The following TBC1D23 variants were observed in gnomAD, a reference collection of about 807,000 sequenced individuals.
TBC1D23 encodes HCV non-structural protein 4A-transactivated protein 1.
TBC1D23 carries 55 observed loss-of-function variants against 91.4 expected under a neutral mutation model. The observed-to-expected ratio is 0.60, with a 90% CI of 0.48 to 0.75. The LOEUF (loss-of-function observed/expected upper bound fraction) is 0.75, where lower values mean the gene tolerates loss of function less well. Ranked by LOEUF, TBC1D23 falls within the 30% of genes least tolerant of loss-of-function variation. TBC1D23 has a pLI of 0.00. For missense variants in TBC1D23, 725 were observed against 836.1 expected (o/e 0.87, Z 1.64); for synonymous variants, 289 against 281.0 (o/e 1.03, Z -0.28).
intron 11 of TBC1D23, among the ~76,000 whole-genome samples, chr3:100,302,537 C>T (rs368965088): frequency 6.6e-5 from 10 of 152,260 alleles, no homozygotes; most frequent in South Asian, 6.2e-4. Flanking sequence ...CTCTATGCAT[C>T]AAGATCTATT....
intron 9 of TBC1D23, among the ~76,000 whole-genome samples, chr3:100,298,411 G>T (rs1433381749): frequency 1.3e-5 from 2 of 152,124 alleles, no homozygotes; most frequent in Non-Finnish European, 2.9e-5. Context: ...GAATTACATG[G>T]TTTAGTTCCA....
intron 15 of TBC1D23, among the ~76,000 whole-genome samples, chr3:100,313,124 G>A (rs1259969030): frequency 6.6e-6 from 1 of 151,968 alleles, no homozygotes; most frequent in African/African-American, 2.4e-5. Context: ...CAGGACTTCT[G>A]CTAATAATTT....
At chr3:100,264,310 T>G (rs557732610) in intron 1 of TBC1D23, among the ~76,000 whole-genome samples, 1 of 116,310 alleles carries the variant, frequency 8.6e-6, no homozygotes, top group East Asian at 2.7e-4. Flanking sequence ...CCTCCCTCCC[T>G]CTCTTTCTTT....
chr3:100,281,353 C>T (rs1004855030), intron 2 of TBC1D23, among the ~76,000 whole-genome samples: 6 of 152,082 alleles, frequency 3.9e-5, no homozygotes, highest in Admixed American at 3.3e-4. Context: ...CCTTACAAAA[C>T]AGTGAAAACA....
Position 100,283,821 on chromosome 3 carries a change from G to A in TBC1D23, c.476+10G>A, listed in dbSNP as rs765762284. The A allele has an allele frequency of 1.9e-5, 30 of 1,573,832 alleles. No individual in the cohort carries two copies. Among genetic ancestry groups the A allele is most frequent in the Admixed American group, 1.7e-5 (1 of 59,704 alleles). On this transcript the variant is annotated intron_variant, in intron 4 of 18. Transcript: ENST00000394144. ...ATAAGTACATTCCCAGGTAAAATAT[G>A]ATTCAGTTATTGTAGTTTTTAAAAG...
intron 1 of TBC1D23, among the ~76,000 whole-genome samples, chr3:100,268,442 C>CA (rs1214948863): frequency 6.6e-6 from 1 of 152,076 alleles, no homozygotes; most frequent in Non-Finnish European, 1.5e-5. Context: ...CTATGATCCC[C>CA]ATTGGCATAG....
At chr3:100,280,136 A>G (rs2067682073) in intron 2 of TBC1D23, among the ~76,000 whole-genome samples, 2 of 152,178 alleles carry the variant, frequency 1.3e-5, no homozygotes, top group East Asian at 1.9e-4. Context: ...AGGCCGAGGC[A>G]AGAGAATCGC....
intron 11 of TBC1D23, among the ~76,000 whole-genome samples, chr3:100,303,494 G>A (rs1405588177): frequency 6.6e-6 from 1 of 152,144 alleles, no homozygotes; most frequent in East Asian, 1.9e-4. Flanking sequence ...CTTCAGGCCA[G>A]GCACAGTGGC....
intron 1 of TBC1D23, among the ~76,000 whole-genome samples, chr3:100,273,979 AATATATGTCTAT>A (rs1024888422): frequency 1.3e-5 from 2 of 152,186 alleles, no homozygotes; most frequent in African/African-American, 4.8e-5. Context: ...TCTATATGTA[AATATATGTCTAT>A]ATATATGTCT....
At chr3:100,269,237 T>C (rs2067582278) in intron 1 of TBC1D23, among the ~76,000 whole-genome samples, 1 of 152,206 alleles carries the variant, frequency 6.6e-6, no homozygotes. Context: ...TTTACTTGGC[T>C]CAAGATCCTG....
intron 4 of TBC1D23, among the ~76,000 whole-genome samples, chr3:100,289,873 C>T (rs2067775059): frequency 6.6e-6 from 1 of 152,072 alleles, no homozygotes; most frequent in Non-Finnish European, 1.5e-5. Flanking sequence ...AGTAGAGTAC[C>T]TTCTTTCTAC....
At chr3:100,302,714 G>T (rs115331109) in intron 11 of TBC1D23, among the ~76,000 whole-genome samples, 2 of 152,256 alleles carry the variant, frequency 1.3e-5, no homozygotes, top group Middle Eastern at 3.4e-3. Flanking sequence ...AGCCTCTCGA[G>T]TAGCTGGGCT....
At chr3:100,284,449 C>G (rs993264818) in intron 4 of TBC1D23, among the ~76,000 whole-genome samples, 4 of 151,990 alleles carry the variant, frequency 2.6e-5, no homozygotes, top group Non-Finnish European at 5.9e-5. Context: ...AGTAAAATTT[C>G]TGGGGTGTTA....
At chr3:100,318,449 C>T (rs1576188496) in intron 16 of TBC1D23, among the ~76,000 whole-genome samples, 1 of 152,078 alleles carries the variant, frequency 6.6e-6, no homozygotes, top group Admixed American at 6.5e-5. Context: ...CATCTCTTTA[C>T]AGACTAGTCA....
chr3:100,281,804 G>A lies in TBC1D23; in HGVS notation c.228G>A (p.Leu76=). ...SLASWDGILD[L]PEQNTIHKDC... is the part of the protein sequence containing the mutation. ...CATCATGGGATGGTATTTTAGACTT[G>A]CCAGAACAGAACACTATTCACAAAG... Residue 76 remains leucine, a synonymous_variant, in exon 3 of 19, where the codon TTG becomes TTA. Transcript: ENST00000394144. The A allele has an allele frequency of 6.2e-7, 1 of 1,612,590 alleles. No individual in the cohort carries two copies. Among genetic ancestry groups the A allele is most frequent in the Non-Finnish European group, 8.5e-7 (1 of 1,179,142 alleles).
At chr3:100,261,276 G>T in intron 1 of TBC1D23, 1 of 588,394 alleles carries the variant, frequency 1.7e-6, no homozygotes, top group Non-Finnish European at 3.0e-6. Flanking sequence ...GACTCCCAAG[G>T]AGAGGGGTGT....
intron 1 of TBC1D23, among the ~76,000 whole-genome samples, chr3:100,269,445 C>T (rs2067583776): frequency 6.6e-6 from 1 of 152,166 alleles, no homozygotes; most frequent in South Asian, 2.1e-4. Context: ...ATCTAGATAA[C>T]TTCACAATTA....
chr3:100,294,758 C>T (rs1223318154), intron 5 of TBC1D23, among the ~76,000 whole-genome samples: 1 of 152,098 alleles, frequency 6.6e-6, no homozygotes, highest in East Asian at 1.9e-4. Context: ...GCTAGTTATG[C>T]TATGGCAAAG....
rs202225988 is a variant in TBC1D23, at chr3:100,279,699, C to T, written c.104C>T (p.Thr35Met). 6.2e-6 allele frequency: 10 copies of T among 1,608,816 alleles called. No homozygotes were observed. Among genetic ancestry groups the T allele is most frequent in the Admixed American group, 3.3e-5 (2 of 59,972 alleles). Reference sequence around the variant, plus strand: ...GAAGCAGGAGGTTGTGATCTTGAAACGTTGAGAAATATAATTCAAGGAAGA... The same window carrying T: ...GAAGCAGGAGGTTGTGATCTTGAAATGTTGAGAAATATAATTCAAGGAAGA... ...ALEAGGCDLE[T>M]LRNIIQGRPL... Residue 35 changes from threonine to methionine, a missense_variant, in exon 2 of 19, where the codon ACG becomes ATG. Thr to Met is a moderately conservative substitution (Grantham distance 81). Coordinates refer to ENST00000394144, the MANE Select transcript of TBC1D23 (RefSeq NM_001199198.3).
Sources: gnomAD v4.1 joint callset for allele counts (sites outside exome capture counted in the v4.1 genomes callset) on GRCh38, gnomAD v4.1.1 for gene constraint, MANE v1.5 for transcripts, NCBI Gene and HGNC (gene_info 2026-07-23, HGNC 2026-07-21) for gene names.